ZFHX4: variants seen among roughly 807,000 people sequenced by gnomAD.
ZFHX4 encodes zinc finger homeobox 4, also known as zinc finger homeobox protein 4.
Under a neutral mutation model 267.6 loss-of-function variants are expected in ZFHX4, and 56 were observed. That is an observed-to-expected ratio of 0.21 (90% confidence interval 0.17 to 0.26). The LOEUF (loss-of-function observed/expected upper bound fraction) is 0.26. ZFHX4 is among the 10% of genes least tolerant of loss of function. ZFHX4 has a pLI of 1.00. For synonymous variants in ZFHX4, 1,778 were observed against 1,665.6 expected (o/e 1.07, Z -1.64); for missense variants, 4,332 against 4,420.0 (o/e 0.98, Z 0.56).
intron 10 of ZFHX4, among the ~76,000 whole-genome samples, chr8:76,857,080 T>C (rs778697286): frequency 6.6e-6 from 1 of 152,156 alleles, no homozygotes; most frequent in Non-Finnish European, 1.5e-5. Flanking sequence ...AGATGCTGAA[T>C]CTAATTGTGT....
intron 3 of ZFHX4, among the ~76,000 whole-genome samples, chr8:76,765,556 A>G (rs1810030312): frequency 6.6e-6 from 1 of 152,170 alleles, no homozygotes; most frequent in African/African-American, 2.4e-5. Flanking sequence ...ATCCCAGCAG[A>G]AATCACTTCT....
At chr8:76,714,693 A>G (rs1458138010) in intron 3 of ZFHX4, among the ~76,000 whole-genome samples, 1 of 152,214 alleles carries the variant, frequency 6.6e-6, no homozygotes, top group African/African-American at 2.4e-5. Context: ...CACTTATTGA[A>G]CACTTACTAT....
intron 1 of ZFHX4, among the ~76,000 whole-genome samples, chr8:76,701,137 T>C (rs1051753782): frequency 5.3e-5 from 8 of 152,284 alleles, no homozygotes; most frequent in African/African-American, 1.7e-4. Context: ...TTTTTATCTA[T>C]ACAAACTAAA....
At chr8:76,697,276 CAT>C (rs1465017069) in intron 1 of ZFHX4, among the ~76,000 whole-genome samples, 3 of 151,892 alleles carry the variant, frequency 2.0e-5, no homozygotes, top group East Asian at 1.9e-4. Flanking sequence ...CATTGTCTTT[CAT>C]ATGTCTTTAC....
chr8:76,713,276 G>A (rs1038175821), intron 3 of ZFHX4, among the ~76,000 whole-genome samples: 3 of 141,064 alleles, frequency 2.1e-5, no homozygotes, highest in Non-Finnish European at 3.0e-5. Context: ...TAGAGAGATA[G>A]ATAGAAAGAT....
chr8:76,808,208 G>T (rs545454817), intron 4 of ZFHX4, among the ~76,000 whole-genome samples: 2 of 152,094 alleles, frequency 1.3e-5, no homozygotes, highest in African/African-American at 4.8e-5. Flanking sequence ...CTAGTCAATT[G>T]TTCAAAGATT....
intron 3 of ZFHX4, among the ~76,000 whole-genome samples, chr8:76,721,962 G>A (rs1466595917): frequency 6.6e-6 from 1 of 151,624 alleles, no homozygotes; most frequent in African/African-American, 2.4e-5. Context: ...TTCTTTTTAT[G>A]AGTATAAAAG....
At chr8:76,862,204 C>G (rs1563569444) in intron 10 of ZFHX4, among the ~76,000 whole-genome samples, 1 of 152,144 alleles carries the variant, frequency 6.6e-6, no homozygotes, top group South Asian at 2.1e-4. Context: ...GTACTTGAAA[C>G]AAAGCAAAGA....
Position 76,864,792 on chromosome 8 carries a change from GA to G in ZFHX4, c.*231del. The G allele has an allele frequency of 3.2e-6, 1 of 313,694 alleles. No homozygotes were observed. Among genetic ancestry groups the G allele is most frequent in the Non-Finnish European group, 5.8e-6 (1 of 172,472 alleles). 19.4% of individuals were successfully genotyped at this position (313,694 alleles called of 1,614,324 possible). A position where few individuals can be genotyped will look rare whatever the true frequency, so the allele number is the denominator to read the frequency against. ...CGCTTGTACTATATGCTAAAATATG[GA>G]AAAGGAAAAAAAAATCTCACAAGTT... On this transcript the variant is annotated 3_prime_UTR_variant, in exon 11 of 11. Coordinates refer to ENST00000651372, the MANE Select transcript of ZFHX4 (RefSeq NM_024721.5).
In ZFHX4 at chr8:76,706,308, C is replaced by G. The variant is rs909617742; in HGVS notation, c.2220C>G (p.Gly740=). The change falls in exon 2 of 11, where the codon GGC becomes GGG. Residue 740 remains glycine (G), a synonymous_variant. Transcript: ENST00000651372. ...ATGGCAATGGTGAGCAGGTGTTTGG[C>G]CACTCTGCCCCAGCCCCCAACACCA... ...LQNGNGEQVF[G]HSAPAPNTSL... 1.7e-5 allele frequency: 28 copies of G among 1,613,888 alleles called. No homozygotes were observed. The highest frequency in any genetic ancestry group is 2.4e-5 in the Non-Finnish European group (28 of 1,179,948).
At position 76,706,306 on chromosome 8, in the gene ZFHX4, G is replaced by A. The variant is rs1808268403; in HGVS notation, c.2218G>A (p.Gly740Ser). The stretch of plus-strand genomic sequence containing the variant: ...AAATGGCAATGGTGAGCAGGTGTTT[G>A]GCCACTCTGCCCCAGCCCCCAACAC... ...LQNGNGEQVFGHSAPAPNTSL... is the reference protein window; with the variant it reads ...LQNGNGEQVFSHSAPAPNTSL... The change falls in exon 2 of 11, where the codon GGC (glycine) becomes AGC (serine). Residue 740 changes from glycine (G) to serine (S), a missense_variant. By Grantham distance (56) the Gly-to-Ser change is moderately conservative (BLOSUM62 0). Transcript: ENST00000651372. 6.2e-7 allele frequency: 1 copy of A among 1,614,090 alleles called. No homozygotes were observed. The highest frequency in any genetic ancestry group is 8.5e-7 in the Non-Finnish European group (1 of 1,180,008).
chr8:76,802,099 G>A (rs558062671), intron 4 of ZFHX4, among the ~76,000 whole-genome samples: 12 of 152,262 alleles, frequency 7.9e-5, no homozygotes, highest in African/African-American at 2.9e-4. Context: ...ATAGAATCGC[G>A]AATGAGATAA....
chr8:76,701,031 G>A lies in ZFHX4; in HGVS notation c.-46-3012G>A, dbSNP rs540822412. On this transcript the variant is annotated intron_variant, in intron 1 of 10. Coordinates refer to ENST00000651372, the MANE Select transcript of ZFHX4 (RefSeq NM_024721.5). ...ACTTTATCGTAAATTTCTTAAATGG[G>A]TCACTTTGATAAAAGAAAGACCTCG... is the stretch of plus-strand genomic sequence containing the variant. Among the ~76,000 whole-genome samples, 3 of 152,168 alleles carry A rather than the reference G, an allele frequency of 2.0e-5. No homozygotes were observed. The East Asian group carries it at 5.8e-4, about 29-fold the overall frequency.
At position 76,852,777 on chromosome 8, in the gene ZFHX4, T is replaced by G. The variant is rs1812572468; in HGVS notation, c.5856T>G (p.Gly1952=). 6.2e-7 allele frequency: 1 copy of G among 1,613,566 alleles called. No homozygotes were observed. Among genetic ancestry groups the G allele is most frequent in the East Asian group, 2.2e-5 (1 of 44,876 alleles). ...ACAAACTAGAATGTGGAACATGTGGTAAATTGTTTTCCAATGTTCTTATTT... is the reference window on the plus strand; with the variant it reads ...ACAAACTAGAATGTGGAACATGTGGGAAATTGTTTTCCAATGTTCTTATTT... ...NTDKLECGTC[G]KLFSNVLILK... is the part of the protein sequence containing the mutation. The change falls in exon 10 of 11, where the codon GGT becomes GGG. Residue 1952 remains glycine (G), a synonymous_variant. Coordinates refer to ENST00000651372, the MANE Select transcript of ZFHX4 (RefSeq NM_024721.5).
rs1808231433 is a variant in ZFHX4 at position 76,705,467 on chromosome 8, G to A, written c.1379G>A (p.Cys460Tyr). The change falls in exon 2 of 11, where the codon TGC becomes TAC. Residue 460 changes from cysteine (C) to tyrosine (Y), a missense_variant. Around this residue, in one of 7 missense-constraint regions of ZFHX4, gnomAD observed 1,195 missense variants for 1,173.6 expected, o/e 1.02. Coordinates refer to ENST00000651372, the MANE Select transcript of ZFHX4 (RefSeq NM_024721.5). Reference protein sequence around the residue: ...ESNVLHPNGECPVKSEPTEPG... With the variant: ...ESNVLHPNGEYPVKSEPTEPG... ...AACGTTTTACACCCAAACGGGGAGTGCCCTGTCAAAAGTGAACCCACTGAA... is the reference window on the plus strand; with the variant it reads ...AACGTTTTACACCCAAACGGGGAGTACCCTGTCAAAAGTGAACCCACTGAA... 1 of 1,613,626 alleles carries A rather than the reference G, an allele frequency of 6.2e-7. No individual in the cohort carries two copies. The highest frequency in any genetic ancestry group is 1.3e-5 in the African/African-American group (1 of 74,936).
intron 5 of ZFHX4, among the ~76,000 whole-genome samples, chr8:76,835,213 A>ATATATGTATATATATATATATATATATG (rs1812040659): frequency 9.6e-6 from 1 of 104,048 alleles, no homozygotes; most frequent in Non-Finnish European, 1.8e-5. Flanking sequence ...TTTGGTGTAT[A>ATATATGTATATATATATATATATATATG]TATATGTATA....
rs377425840 is a variant in ZFHX4 at position 76,705,824 on chromosome 8, G to A, written c.1736G>A (p.Arg579Gln). ...ATAAHPSEIA[R>Q]GDEDSSATPH... ...GCTGCTCATCCAAGTGAAATAGCCC[G>A]GGGAGACGAAGACAGTTCAGCCACT... is the stretch of plus-strand genomic sequence containing the variant. The change falls in exon 2 of 11, where the codon CGG (arginine) becomes CAG (glutamine). Residue 579 changes from arginine (R) to glutamine (Q), a missense_variant. Physicochemically the swap from Arg to Gln is conservative, Grantham distance 43. Coordinates refer to ENST00000651372, the MANE Select transcript of ZFHX4 (RefSeq NM_024721.5). The A allele has an allele frequency of 9.9e-6, 16 of 1,613,768 alleles. No individual in the cohort carries two copies. In the African/African-American group the frequency reaches 2.0e-4, roughly 20 times the overall value.
At chr8:76,785,711 T>C (rs1345715576) in intron 4 of ZFHX4, among the ~76,000 whole-genome samples, 1 of 152,188 alleles carries the variant, frequency 6.6e-6, no homozygotes. Context: ...CAGTGGGTAG[T>C]GGACATTAAA....
At chr8:76,787,038 A>G (rs1324333110) in intron 4 of ZFHX4, among the ~76,000 whole-genome samples, 3 of 152,336 alleles carry the variant, frequency 2.0e-5, no homozygotes, top group Admixed American at 1.3e-4. Flanking sequence ...TGTAAATAGC[A>G]TAATCACTGT....
Sources: gnomAD v4.1 joint callset for allele counts (sites outside exome capture counted in the v4.1 genomes callset) on GRCh38, gnomAD v4.1.1 for gene constraint, gnomAD v4.1.1 regional missense constraint, MANE v1.5 for transcripts, NCBI Gene and HGNC (gene_info 2026-07-23, HGNC 2026-07-21) for gene names.